PPA1: variants seen among roughly 807,000 people sequenced by gnomAD.
PPA1 encodes inorganic pyrophosphatase.
PPA1 carries 23 observed loss-of-function variants against 41.8 expected under a neutral mutation model. The observed-to-expected ratio is 0.55, with a 90% CI of 0.40 to 0.78. The LOEUF is 0.78. Among genes scored for constraint, PPA1 ranks in the 30% least tolerant of loss-of-function variants. PPA1 has a pLI of 0.00. For missense variants in PPA1, 320 were observed against 361.6 expected (o/e 0.89, Z 0.93); for synonymous variants, 101 against 116.8 (o/e 0.86, Z 0.87).
intron 6 of PPA1, among the ~76,000 whole-genome samples, chr10:70,210,946 T>G (rs1840011352): frequency 6.6e-6 from 1 of 152,188 alleles, no homozygotes; most frequent in African/African-American, 2.4e-5. Context: ...TTTTGTATTT[T>G]TAGTAGAGAT....
rs371338617 is a variant in PPA1, at chr10:70,214,484, T to C, written c.384+16A>G. ...AATATCTCAACACTAAAGAAAAAAA[T>C]GTCACATTTCATTACCTTGCTTCCA... is the stretch of plus-strand genomic sequence containing the variant. On this transcript the variant is annotated intron_variant, in intron 5 of 10. Coordinates refer to ENST00000373232, the MANE Select transcript of PPA1 (RefSeq NM_021129.4). The C allele has an allele frequency of 4.0e-5, 64 of 1,598,740 alleles. No homozygotes were observed. Among genetic ancestry groups the C allele is most frequent in the Non-Finnish European group, 2.6e-6 (3 of 1,169,358 alleles).
Position 70,224,144 on chromosome 10 carries a change from C to T in PPA1, c.124-5327G>A, listed in dbSNP as rs369039847. Among the ~76,000 whole-genome samples the T allele has an allele frequency of 9.4e-5, 14 of 148,988 alleles. No individual in the cohort carries two copies. The South Asian group carries it at 2.8e-3, about 30-fold the overall frequency. The stretch of plus-strand genomic sequence containing the variant: ...GTCTATTTCAGGCCAGGTATGGTGG[C>T]TCGTGCCTGTAAACCTAGCACTTTG... On this transcript the variant is annotated intron_variant, in intron 2 of 10. Coordinates refer to ENST00000373232, the MANE Select transcript of PPA1 (RefSeq NM_021129.4).
intron 9 of PPA1, chr10:70,205,769 G>A (rs1839932985): frequency 1.3e-5 from 2 of 151,854 alleles, no homozygotes; most frequent in South Asian, 4.1e-4. Context: ...CAATTTTTTG[G>A]TTAATCCAAA....
intron 1 of PPA1, among the ~76,000 whole-genome samples, chr10:70,232,523 C>G (rs543756055): frequency 1.3e-5 from 2 of 152,188 alleles, no homozygotes; most frequent in Non-Finnish European, 2.9e-5. Context: ...GTGCAGGACC[C>G]GGGGTAGGTA....
Position 70,209,294 on chromosome 10 carries a change from T to C in PPA1, c.640-4A>G, listed in dbSNP as rs1461949014. 2 of 1,568,878 alleles carry C rather than the reference T, an allele frequency of 1.3e-6. No homozygotes were observed. The highest frequency in any genetic ancestry group is 1.8e-6 in the Non-Finnish European group (2 of 1,142,394). ...TAATAATATCAATGGCAAAGTCCTA[T>C]AATTTGAAGAGGTTTGCATTACAAT... On this transcript the variant is annotated splice_region_variant and splice_polypyrimidine_tract_variant and intron_variant, in intron 7 of 10. Coordinates refer to ENST00000373232, the MANE Select transcript of PPA1 (RefSeq NM_021129.4).
intron 1 of PPA1, 120 bp from the exon 2 acceptor site, chr10:70,230,519 T>G (rs1564586954): frequency 1.4e-5 from 14 of 1,015,310 alleles, no homozygotes; most frequent in Non-Finnish European, 2.0e-5. Flanking sequence ...TGGTGTGCAA[T>G]GGTGTGATCT....
intron 5 of PPA1, 125 bp downstream of exon 5, chr10:70,214,375 A>G: frequency 2.6e-6 from 2 of 761,826 alleles, no homozygotes; most frequent in Middle Eastern, 3.9e-4. Flanking sequence ...AGCCTTTAAT[A>G]CCAAAGAGAC....
At chr10:70,215,778 G>A (rs1840073287) in intron 4 of PPA1, among the ~76,000 whole-genome samples, 1 of 152,176 alleles carries the variant, frequency 6.6e-6, no homozygotes, top group African/African-American at 2.4e-5. Flanking sequence ...ACCACACCCA[G>A]CCAAAAGGTT....
Position 70,218,804 on chromosome 10 carries a change from A to T in PPA1, c.137T>A (p.Met46Lys). Reference sequence around the variant, plus strand: ...AGACCAGCGTGGTACTTCAACTACCATGTGAAACACATCCTGAAAAAACAA... The same window carrying T: ...AGACCAGCGTGGTACTTCAACTACCTTGTGAAACACATCCTGAAAAAACAA... ...PIYADKDVFHMVVEVPRWSNA... is the reference protein window; with the variant it reads ...PIYADKDVFHKVVEVPRWSNA... The change falls in exon 3 of 11, where the codon ATG becomes AAG. Residue 46 changes from methionine to lysine, a missense_variant. By Grantham distance (95) the Met-to-Lys change is moderately conservative. Transcript: ENST00000373232. The T allele has an allele frequency of 6.2e-7, 1 of 1,612,414 alleles. No individual in the cohort carries two copies. Among genetic ancestry groups the T allele is most frequent in the Non-Finnish European group, 8.5e-7 (1 of 1,178,640 alleles).
chr10:70,206,801 G>A (rs967039993), intron 8 of PPA1, among the ~76,000 whole-genome samples: 20 of 144,442 alleles, frequency 1.4e-4, no homozygotes, highest in Admixed American at 4.3e-4. Context: ...CTGAGATCGC[G>A]CCACTGCACT....
intron 8 of PPA1, among the ~76,000 whole-genome samples, chr10:70,207,757 T>C (rs1460691294): frequency 2.0e-5 from 3 of 152,194 alleles, no homozygotes; most frequent in Admixed American, 2.0e-4. Context: ...AATCCTAATA[T>C]GTTTTTTGGG....
At chr10:70,203,404 C>CT (rs574312527) in intron 10 of PPA1, among the ~76,000 whole-genome samples, 15 of 149,828 alleles carry the variant, frequency 1.0e-4, no homozygotes, top group Middle Eastern at 3.4e-3. Context: ...GATTTTCAAA[C>CT]TTTTTTTTTT....
intron 3 of PPA1, 99 bp downstream of exon 3, chr10:70,218,665 A>G: frequency 1.0e-6 from 1 of 959,484 alleles, no homozygotes; most frequent in Non-Finnish European, 1.6e-6. Context: ...CAGACAGAGA[A>G]AAACCTTGAC....
intron 6 of PPA1, among the ~76,000 whole-genome samples, chr10:70,211,610 C>T (rs924780342): frequency 1.3e-5 from 2 of 152,064 alleles, no homozygotes; most frequent in Non-Finnish European, 2.9e-5. Flanking sequence ...ATAGACACTG[C>T]CTTAGGTTGA....
At chr10:70,207,012 A>G (rs1005062439) in intron 8 of PPA1, among the ~76,000 whole-genome samples, 1 of 152,056 alleles carries the variant, frequency 6.6e-6, no homozygotes, top group Admixed American at 6.6e-5. Context: ...GAAACAAAAA[A>G]AAACCCAGTT....
chr10:70,206,865 A>AGGAGGGGACG (rs1839947808), intron 8 of PPA1, among the ~76,000 whole-genome samples: 1 of 8,674 alleles, frequency 1.2e-4, no homozygotes, highest in Non-Finnish European at 1.9e-4. Context: ...AGGAGAGGAG[A>AGGAGGGGACG]GGAGGGGAGG....
At chr10:70,206,920 G>A (rs1221299989) in intron 8 of PPA1, among the ~76,000 whole-genome samples, 4 of 121,438 alleles carry the variant, frequency 3.3e-5, no homozygotes, top group Non-Finnish European at 6.5e-5. Flanking sequence ...AAGAAACTGA[G>A]ATTGAATGCT....
At position 70,233,223 on chromosome 10, in the gene PPA1, G is replaced by A. The variant is rs182463933; in HGVS notation, c.64+41C>T. On this transcript the variant is annotated intron_variant, in intron 1 of 10. Transcript: ENST00000373232. ...GGGAGGCAAGGCCCGGGAATGAATG[G>A]GCGGACGGGCGCGGAGGGGCCACGG... 328 of 1,523,836 alleles carry A rather than the reference G, an allele frequency of 2.2e-4. No homozygotes were observed. In the African/African-American group the frequency reaches 3.4e-3, roughly 16 times the overall value. The allele number at this position is 1,523,836 out of a possible 1,614,324, so 94.4% of individuals were successfully genotyped here.
intron 6 of PPA1, among the ~76,000 whole-genome samples, chr10:70,211,148 T>G (rs1840015019): frequency 6.6e-6 from 1 of 152,214 alleles, no homozygotes; most frequent in Non-Finnish European, 1.5e-5. Flanking sequence ...CTTTACAGAA[T>G]GCACTGGGAA....
Sources: gnomAD v4.1 joint callset for allele counts (sites outside exome capture counted in the v4.1 genomes callset) on GRCh38, gnomAD v4.1.1 for gene constraint, MANE v1.5 for transcripts, NCBI Gene and HGNC (gene_info 2026-07-23, HGNC 2026-07-21) for gene names.